The following EPHA4 variants were observed in gnomAD, a reference collection of about 807,000 sequenced individuals.
EPHA4 encodes the protein EPH receptor A4.
A neutral mutation model predicts 108.3 loss-of-function variants in EPHA4; 19 were observed. The ratio of observed to expected loss-of-function variants is 0.18; its 90% CI spans 0.12 to 0.26. The LOEUF (loss-of-function observed/expected upper bound fraction) is 0.26, where lower values mean the gene tolerates loss of function less well. EPHA4 is among the 10% of genes least tolerant of loss of function. The pLI is 1.00. For synonymous variants in EPHA4, 449 were observed against 455.5 expected (o/e 0.99, Z 0.18); for missense variants, 917 against 1,254.0 (o/e 0.73, Z 4.06).
At chr2:221,490,409 C>T (rs1433074443) in intron 4 of EPHA4, among the ~76,000 whole-genome samples, 2 of 152,088 alleles carry the variant, frequency 1.3e-5, no homozygotes, top group Non-Finnish European at 2.9e-5. Context: ...TTTTTAATCG[C>T]CATTTTAAAA....
intron 3 of EPHA4, among the ~76,000 whole-genome samples, chr2:221,509,751 C>G (rs1692768970): frequency 6.6e-6 from 1 of 151,946 alleles, no homozygotes; most frequent in Admixed American, 6.6e-5. Context: ...ATGACAAAAG[C>G]AAAAAATAAA....
chr2:221,447,840 T>TATTTATTTATTTATTTA, intron 8 of EPHA4, among the ~76,000 whole-genome samples: 1 of 151,546 alleles, frequency 6.6e-6, no homozygotes, highest in Admixed American at 6.6e-5. Flanking sequence ...TTTATTTATT[T>TATTTATTTATTTATTTA]ATTTAATTTA....
intron 4 of EPHA4, among the ~76,000 whole-genome samples, chr2:221,494,089 C>T (rs1692236504): frequency 6.6e-6 from 1 of 152,072 alleles, no homozygotes; most frequent in Non-Finnish European, 1.5e-5. Context: ...TCACCAGGCT[C>T]TAAGAAGTTT....
intron 16 of EPHA4, 64 bp from the exon 17 acceptor site, chr2:221,426,206 G>C: frequency 7.0e-7 from 1 of 1,421,366 alleles, no homozygotes; most frequent in Non-Finnish European, 9.9e-7. Context: ...TCTTTTCTTG[G>C]GCTTCATGCA....
intron 8 of EPHA4, among the ~76,000 whole-genome samples, chr2:221,451,695 GAC>G (rs1275687589): frequency 6.6e-6 from 1 of 152,154 alleles, no homozygotes; most frequent in African/African-American, 2.4e-5. Flanking sequence ...TGATGAGAAA[GAC>G]ACAGATCAAA....
intron 9 of EPHA4, among the ~76,000 whole-genome samples, chr2:221,444,526 T>A (rs1690528270): frequency 6.6e-6 from 1 of 152,174 alleles, no homozygotes; most frequent in East Asian, 1.9e-4. Context: ...AATAAGCTCC[T>A]TAAATTGGCA....
intron 5 of EPHA4, among the ~76,000 whole-genome samples, chr2:221,459,396 T>C (rs1035328049): frequency 1.3e-5 from 2 of 151,210 alleles, no homozygotes; most frequent in Non-Finnish European, 2.9e-5. Context: ...ATACAGTAGA[T>C]ACACATGTCC....
rs1303518060 is a variant in EPHA4 at position 221,446,037 on chromosome 2, C to G, written c.1774+86G>C. The G allele has an allele frequency of 1.1e-5, 8 of 730,048 alleles. No individual in the cohort carries two copies. The South Asian group carries it at 1.8e-4, about 16-fold the overall frequency. 45.2% of individuals were successfully genotyped at this position (730,048 alleles called of 1,614,324 possible). A position where few individuals can be genotyped will look rare whatever the true frequency, so the allele number is the denominator to read the frequency against. ...ATATTATATTATATAACATTAATAG[C>G]CACGTAAATATTATTTGAACATGTT... On this transcript the variant is annotated intron_variant, in intron 9 of 17. Transcript: ENST00000281821.
At chr2:221,455,683 T>C in intron 7 of EPHA4, 25 bp from the exon 8 acceptor site, 1 of 1,569,808 alleles carries the variant, frequency 6.4e-7, no homozygotes. Flanking sequence ...TGCATAAGGG[T>C]CACCTTTGGG....
chr2:221,482,739 T>C, intron 4 of EPHA4, 49 bp from the exon 5 acceptor site: 1 of 1,488,894 alleles, frequency 6.7e-7, no homozygotes, highest in Non-Finnish European at 9.1e-7. Flanking sequence ...AATACCCTTT[T>C]GGAATCTCTC....
chr2:221,497,067 G>A (rs1383466424), intron 4 of EPHA4, among the ~76,000 whole-genome samples: 1 of 13,120 alleles, frequency 7.6e-5, no homozygotes, highest in Non-Finnish European at 1.1e-4. Flanking sequence ...ATGCACGCAA[G>A]GGTAAAAAAT....
chr2:221,557,152 C>T (rs1694330250), intron 3 of EPHA4, among the ~76,000 whole-genome samples: 1 of 152,186 alleles, frequency 6.6e-6, no homozygotes, highest in Non-Finnish European at 1.5e-5. Flanking sequence ...TCTTGGGGAA[C>T]ATAGCTGGAC....
At chr2:221,465,934 T>C (rs77254645) in intron 5 of EPHA4, among the ~76,000 whole-genome samples, 1,676 of 152,348 alleles carry the variant, frequency 0.011, 36 homozygotes, top group African/African-American at 0.038. Context: ...GTAGAAGTAC[T>C]GTGGCCCACA....
chr2:221,448,478 G>A (rs1690667461), intron 8 of EPHA4, among the ~76,000 whole-genome samples: 1 of 152,148 alleles, frequency 6.6e-6, no homozygotes, highest in Admixed American at 6.5e-5. Flanking sequence ...TAACTAAACA[G>A]GTTTAAATAC....
chr2:221,449,512 C>T (rs1690702991), intron 8 of EPHA4, among the ~76,000 whole-genome samples: 1 of 152,168 alleles, frequency 6.6e-6, no homozygotes, highest in Non-Finnish European at 1.5e-5. Flanking sequence ...GAAACATGGA[C>T]CCTTTCAGCC....
chr2:221,545,707 T>G (rs1009990737), intron 3 of EPHA4, among the ~76,000 whole-genome samples: 1 of 152,182 alleles, frequency 6.6e-6, no homozygotes, highest in African/African-American at 2.4e-5. Context: ...CAGCTTTCCC[T>G]GTCACTCATC....
intron 11 of EPHA4, among the ~76,000 whole-genome samples, chr2:221,437,749 T>C (rs1378562575): frequency 2.9e-5 from 3 of 101,972 alleles, no homozygotes; most frequent in Non-Finnish European, 4.2e-5. Context: ...CCGTTTCTAC[T>C]AAAAATACAA....
At chr2:221,461,598 G>A (rs1691146508) in intron 5 of EPHA4, among the ~76,000 whole-genome samples, 2 of 152,050 alleles carry the variant, frequency 1.3e-5, no homozygotes, top group Admixed American at 6.6e-5. Context: ...CATCAACTCG[G>A]CCACTAGACA....
Position 221,491,520 on chromosome 2 carries a change from A to T in EPHA4, c.980-8830T>A, listed in dbSNP as rs140693390. ...CCTGCTTCCCTTTCATAGAGATACAAATAATATAAAGAAAATAATAACCCA... is the reference window on the plus strand; with the variant it reads ...CCTGCTTCCCTTTCATAGAGATACATATAATATAAAGAAAATAATAACCCA... On this transcript the variant is annotated intron_variant, in intron 4 of 17. Transcript: ENST00000281821. Among the ~76,000 whole-genome samples, 523 of 152,310 alleles carry T rather than the reference A, an allele frequency of 3.4e-3. 1 individual carries two copies. The highest frequency in any genetic ancestry group is 0.012 in the African/African-American group (500 of 41,574).
Sources: gnomAD v4.1 joint callset for allele counts (sites outside exome capture counted in the v4.1 genomes callset) on GRCh38, gnomAD v4.1.1 for gene constraint, MANE v1.5 for transcripts, NCBI Gene and HGNC (gene_info 2026-07-23, HGNC 2026-07-21) for gene names.